DNAJC11: variants seen among roughly 807,000 people sequenced by gnomAD.
DNAJC11 encodes DnaJ heat shock protein family (Hsp40) member C11.
DNAJC11 carries 15 observed loss-of-function variants against 78.6 expected under a neutral mutation model. That is an observed-to-expected ratio of 0.19 (90% CI 0.13 to 0.29). DNAJC11 has a LOEUF of 0.29. Among genes scored for constraint, DNAJC11 ranks in the 10% least tolerant of loss-of-function variants. DNAJC11 has a pLI of 1.00. For synonymous variants in DNAJC11, 292 were observed against 272.1 expected, an observed-to-expected ratio of 1.07 and a Z score of -0.72; for missense variants, 547 against 709.6, an observed-to-expected ratio of 0.77 and a Z score of 2.60.
At position 6,695,940 on chromosome 1, in the gene DNAJC11, T is replaced by C. The variant is rs539906875; in HGVS notation, c.72+5789A>G. Among the ~76,000 whole-genome samples the C allele has an allele frequency of 3.9e-5, 6 of 152,340 alleles. No individual in the cohort carries two copies. In the South Asian group the frequency reaches 6.2e-4, roughly 16 times the overall value. ...AGCCCTACATAGTGGCCTCCCTCTA[T>C]CCCATTGTTAACTAAGAAGTACTGG... On this transcript the variant is annotated intron_variant, in intron 1 of 15. Coordinates refer to ENST00000377577, the MANE Select transcript of DNAJC11 (RefSeq NM_018198.4).
intron 1 of DNAJC11, among the ~76,000 whole-genome samples, chr1:6,698,027 T>A (rs1383458840): frequency 1.3e-5 from 2 of 152,176 alleles, no homozygotes; most frequent in Admixed American, 1.3e-4. Flanking sequence ...CCTGACCTCG[T>A]GATCCGCCCG....
chr1:6,682,017 C>G (rs1642560778), intron 1 of DNAJC11, among the ~76,000 whole-genome samples: 1 of 151,756 alleles, frequency 6.6e-6, no homozygotes, highest in South Asian at 2.1e-4. Flanking sequence ...AGAGGGGCCC[C>G]AAAAATCTGC....
chr1:6,665,868 A>G (rs1570289516), intron 4 of DNAJC11, among the ~76,000 whole-genome samples: 1 of 151,500 alleles, frequency 6.6e-6, no homozygotes, highest in Admixed American at 6.6e-5. Context: ...CCCCCATCCC[A>G]CCTCCATCTG....
chr1:6,641,363 C>T (rs1015735681), intron 10 of DNAJC11, among the ~76,000 whole-genome samples: 2 of 119,528 alleles, frequency 1.7e-5, no homozygotes, highest in South Asian at 2.7e-4. Context: ...GGTGCAAGAG[C>T]GAAACTCCGT....
At chr1:6,684,797 C>G (rs927164067) in intron 1 of DNAJC11, among the ~76,000 whole-genome samples, 10 of 152,140 alleles carry the variant, frequency 6.6e-5, no homozygotes, top group African/African-American at 2.4e-4. Flanking sequence ...TCCTAAAATT[C>G]TGTAACAAAA....
intron 15 of DNAJC11, 44 bp downstream of exon 15, chr1:6,636,073 C>T: frequency 6.3e-7 from 1 of 1,587,528 alleles, no homozygotes; most frequent in Non-Finnish European, 8.6e-7. Context: ...GCTTCGAGGT[C>T]CCCGCCCCCG....
At chr1:6,648,177 CAG>C (rs1329579316) in intron 7 of DNAJC11, among the ~76,000 whole-genome samples, 1 of 152,154 alleles carries the variant, frequency 6.6e-6, no homozygotes, top group Non-Finnish European at 1.5e-5. Flanking sequence ...TTTTTTGAGA[CAG>C]AGTCTCGGCT....
intron 1 of DNAJC11, among the ~76,000 whole-genome samples, chr1:6,681,446 A>T (rs1642550887): frequency 6.6e-6 from 1 of 152,224 alleles, no homozygotes; most frequent in African/African-American, 2.4e-5. Context: ...AAATGACATC[A>T]ATTTAATGAC....
At chr1:6,646,645 C>T (rs958724432) in intron 7 of DNAJC11, among the ~76,000 whole-genome samples, 1 of 152,146 alleles carries the variant, frequency 6.6e-6, no homozygotes. Flanking sequence ...GCACAGGAAA[C>T]CGGTTCCCGA....
intron 2 of DNAJC11, among the ~76,000 whole-genome samples, chr1:6,679,701 A>C (rs914930069): frequency 2.6e-5 from 4 of 152,164 alleles, no homozygotes; most frequent in African/African-American, 7.2e-5. Flanking sequence ...ATTTTACCTG[A>C]GTCTCCCTTT....
At chr1:6,687,064 G>A (rs2147882527) in intron 1 of DNAJC11, among the ~76,000 whole-genome samples, 1 of 152,370 alleles carries the variant, frequency 6.6e-6, no homozygotes, top group South Asian at 2.1e-4. Context: ...TGTTTATTAT[G>A]ATAGTTGGTG....
At chr1:6,638,224 T>G in intron 12 of DNAJC11, 71 bp downstream of exon 12, 67 of 1,492,604 alleles carry the variant, frequency 4.5e-5, no homozygotes, top group African/African-American at 5.6e-5. Context: ...TCTAAGGCCC[T>G]GAGACCAACA....
At chr1:6,671,397 C>T (rs1161531193) in intron 3 of DNAJC11, among the ~76,000 whole-genome samples, 1 of 151,986 alleles carries the variant, frequency 6.6e-6, no homozygotes, top group Non-Finnish European at 1.5e-5. Flanking sequence ...CATCTGCCAC[C>T]ACGCCCGGCT....
chr1:6,698,477 G>A (rs898148620), intron 1 of DNAJC11, among the ~76,000 whole-genome samples: 1 of 152,084 alleles, frequency 6.6e-6, no homozygotes, highest in East Asian at 1.9e-4. Flanking sequence ...TGGAAAACCA[G>A]CACACCACAC....
intron 1 of DNAJC11, among the ~76,000 whole-genome samples, chr1:6,695,657 A>AAAAAAAAT (rs1642824053): frequency 7.2e-6 from 1 of 138,822 alleles, no homozygotes; most frequent in Non-Finnish European, 1.6e-5. Flanking sequence ...AAAAAAAAAA[A>AAAAAAAAT]ATTAGCCGGG....
At chr1:6,657,860 T>A (rs999282135) in intron 4 of DNAJC11, among the ~76,000 whole-genome samples, 5 of 152,204 alleles carry the variant, frequency 3.3e-5, no homozygotes, top group African/African-American at 9.6e-5. Context: ...TTAGCCAGGA[T>A]GGTCTCGATC....
At position 6,638,339 on chromosome 1, in the gene DNAJC11, C is replaced by T. The variant is rs140594822; in HGVS notation, c.1279G>A (p.Ala427Thr). Residue 427 changes from alanine (A) to threonine (T), a missense_variant, in exon 12 of 16, where the codon GCC becomes ACC. Coordinates refer to ENST00000377577, the MANE Select transcript of DNAJC11 (RefSeq NM_018198.4). ...TTCTTCTGCAGCACATCGGTGGCGG[C>T]GCTTTCCCTCTGCTTCTCCAATTCC... The part of the protein sequence containing the change: ...EKELEKQRES[A>T]ATDVLQKKQE... 166 of 1,613,496 alleles carry T rather than the reference C, an allele frequency of 1.0e-4. No individual in the cohort carries two copies. In the East Asian group the frequency reaches 3.5e-3, roughly 34 times the overall value.
chr1:6,700,273 C>A (rs1171927692), intron 1 of DNAJC11, among the ~76,000 whole-genome samples: 3 of 152,212 alleles, frequency 2.0e-5, no homozygotes, highest in Non-Finnish European at 2.9e-5. Context: ...TATCCCAAAC[C>A]TATAAGAACT....
At chr1:6,659,296 C>T (rs1642173109) in intron 4 of DNAJC11, among the ~76,000 whole-genome samples, 1 of 152,216 alleles carries the variant, frequency 6.6e-6, no homozygotes, top group Non-Finnish European at 1.5e-5. Context: ...GACACACTGG[C>T]CTCTTTGCTG....
Sources: allele counts gnomAD v4.1 joint callset (sites outside exome capture counted in the v4.1 genomes callset), GRCh38; gene constraint gnomAD v4.1.1; transcripts MANE v1.5; gene names NCBI Gene and HGNC (gene_info 2026-07-23, HGNC 2026-07-21).